The following FOXP2 variants were observed in gnomAD, a reference collection of about 807,000 sequenced individuals.
The protein encoded by FOXP2 is forkhead box protein P2.
FOXP2 carries 12 observed loss-of-function variants against 115.8 expected under a neutral mutation model. The observed-to-expected ratio is 0.10, with a 90% CI of 0.07 to 0.17. FOXP2 has a LOEUF of 0.17. FOXP2 is among the 10% of genes least tolerant of loss of function. The probability of loss-of-function intolerance (pLI) is 1.00; values close to 1 mark genes in which losing one functional copy is unlikely to be tolerated. For missense variants in FOXP2, 629 were observed against 843.5 expected, an observed-to-expected ratio of 0.75 and a Z score of 3.15; for synonymous variants, 328 against 297.7, an observed-to-expected ratio of 1.10 and a Z score of -1.05.
chr7:114,355,744 G>T (rs939541729), intron 2 of FOXP2, among the ~76,000 whole-genome samples: 1 of 152,090 alleles, frequency 6.6e-6, no homozygotes, highest in African/African-American at 2.4e-5. Flanking sequence ...TATGATGGCC[G>T]GGGCTAGTTG....
intron 1 of FOXP2, among the ~76,000 whole-genome samples, chr7:114,094,794 T>C (rs2129139724): frequency 6.6e-6 from 1 of 152,260 alleles, no homozygotes; most frequent in South Asian, 2.1e-4. Context: ...CTGCAGTAGC[T>C]GGGACCACAG....
At chr7:114,534,411 T>C (rs1366840133) in intron 2 of FOXP2, among the ~76,000 whole-genome samples, 1 of 151,846 alleles carries the variant, frequency 6.6e-6, no homozygotes, top group Non-Finnish European at 1.5e-5. Flanking sequence ...TCCTGTAGGA[T>C]TGCATGTTTC....
intron 3 of FOXP2, among the ~76,000 whole-genome samples, chr7:114,566,717 T>G (rs1389860909): frequency 6.6e-6 from 1 of 152,038 alleles, no homozygotes; most frequent in East Asian, 1.9e-4. Flanking sequence ...CAACCACTAT[T>G]CCATTCAGAT....
intron 2 of FOXP2, among the ~76,000 whole-genome samples, chr7:114,524,330 G>T (rs896958497): frequency 1.3e-5 from 2 of 152,024 alleles, no homozygotes; most frequent in Admixed American, 6.6e-5. Flanking sequence ...AAAAGAATTT[G>T]CTTGGAATTA....
intron 1 of FOXP2, among the ~76,000 whole-genome samples, chr7:114,425,549 T>C (rs916152936): frequency 1.3e-5 from 2 of 151,672 alleles, no homozygotes; most frequent in African/African-American, 4.8e-5. Flanking sequence ...ATCCTGAAAG[T>C]ACAGTATATT....
chr7:114,491,724 C>T (rs1324401788), intron 2 of FOXP2, among the ~76,000 whole-genome samples: 1 of 152,044 alleles, frequency 6.6e-6, no homozygotes, highest in Non-Finnish European at 1.5e-5. Context: ...TATTGATTTG[C>T]GTATGTTGAA....
At chr7:114,094,635 C>G (rs902115772) in intron 1 of FOXP2, among the ~76,000 whole-genome samples, 1 of 152,022 alleles carries the variant, frequency 6.6e-6, no homozygotes, top group African/African-American at 2.4e-5. Context: ...TACATAATTA[C>G]CCCTCTTTTC....
intron 2 of FOXP2, among the ~76,000 whole-genome samples, chr7:114,465,224 C>G (rs71571202): frequency 6.6e-6 from 1 of 152,124 alleles, no homozygotes; most frequent in African/African-American, 2.4e-5. Context: ...CTCAGCCTCC[C>G]TAAGTGCTGG....
At chr7:114,644,563 G>C in intron 7 of FOXP2, 122 bp from the exon 8 acceptor site, 1 of 762,936 alleles carries the variant, frequency 1.3e-6, no homozygotes, top group Non-Finnish European at 2.3e-6. Context: ...TTTTCTGACT[G>C]CTCTGAGCTG....
At chr7:114,359,356 A>T (rs1260011031) in intron 2 of FOXP2, among the ~76,000 whole-genome samples, 1 of 152,236 alleles carries the variant, frequency 6.6e-6, no homozygotes, top group Non-Finnish European at 1.5e-5. Context: ...GGGCTCATGG[A>T]GAACCTCTGC....
intron 16 of FOXP2, chr7:114,665,446 G>T (rs149053412): frequency 1.6e-4 from 24 of 151,968 alleles, no homozygotes; most frequent in Admixed American, 5.2e-4. Flanking sequence ...TCTAGTAAAA[G>T]GTCTGAAAGA....
At chr7:114,314,849 A>G (rs1584629809) in intron 2 of FOXP2, among the ~76,000 whole-genome samples, 1 of 152,196 alleles carries the variant, frequency 6.6e-6, no homozygotes. Flanking sequence ...CATGGTCTCC[A>G]TATTCCACTA....
chr7:114,378,223 C>T (rs1258082114), intron 2 of FOXP2, among the ~76,000 whole-genome samples: 2 of 152,108 alleles, frequency 1.3e-5, no homozygotes, highest in African/African-American at 4.8e-5. Context: ...CTTCTGTCTC[C>T]ACCTCCAACA....
At chr7:114,371,443 C>T (rs995228191) in intron 2 of FOXP2, among the ~76,000 whole-genome samples, 2 of 151,792 alleles carry the variant, frequency 1.3e-5, no homozygotes, top group Non-Finnish European at 2.9e-5. Flanking sequence ...GCTATTGTAA[C>T]ATTTGCTACA....
chr7:114,660,220 T>C (rs1806792651), intron 13 of FOXP2, among the ~76,000 whole-genome samples: 1 of 152,210 alleles, frequency 6.6e-6, no homozygotes, highest in Admixed American at 6.5e-5. Context: ...GGTTCATCTA[T>C]ATCCCTGTCC....
chr7:114,361,169 G>T (rs951973753), intron 2 of FOXP2, among the ~76,000 whole-genome samples: 1 of 151,998 alleles, frequency 6.6e-6, no homozygotes, highest in Non-Finnish European at 1.5e-5. Context: ...AAACATTAGG[G>T]ACAGTACTCA....
intron 1 of FOXP2, among the ~76,000 whole-genome samples, chr7:114,222,350 A>G (rs1173374041): frequency 6.6e-6 from 1 of 151,996 alleles, no homozygotes; most frequent in Non-Finnish European, 1.5e-5. Context: ...GAGTTTCACC[A>G]TGTAGCCCGG....
At chr7:114,635,841 AT>A (rs1170234387) in intron 6 of FOXP2, among the ~76,000 whole-genome samples, 4 of 152,194 alleles carry the variant, frequency 2.6e-5, no homozygotes, top group African/African-American at 4.8e-5. Context: ...AAAAGGAAAC[AT>A]CATTGGTTTT....
At chr7:114,332,500 T>A (rs1160602428) in intron 2 of FOXP2, among the ~76,000 whole-genome samples, 1 of 152,152 alleles carries the variant, frequency 6.6e-6, no homozygotes, top group East Asian at 1.9e-4. Flanking sequence ...TGATTTTTAA[T>A]TTTTCAGCTA....
Sources: allele counts gnomAD v4.1 joint callset (sites outside exome capture counted in the v4.1 genomes callset), GRCh38; gene constraint gnomAD v4.1.1; transcripts MANE v1.5; gene names NCBI Gene and HGNC (gene_info 2026-07-23, HGNC 2026-07-21).